The following SLC25A26 variants were observed in gnomAD, a reference collection of about 807,000 sequenced individuals.
SLC25A26 encodes mitochondrial S-adenosylmethionine carrier protein.
SLC25A26 carries 36 observed loss-of-function variants against 37.8 expected under a neutral mutation model. The observed-to-expected ratio is 0.95, with a 90% CI of 0.73 to 1.26. The LOEUF (loss-of-function observed/expected upper bound fraction) is 1.26. SLC25A26 is among the 50% of genes most tolerant of loss of function. The pLI, the probability that SLC25A26 is intolerant of heterozygous loss-of-function variation, is 0.00. For missense variants in SLC25A26, 390 were observed against 331.1 expected (o/e 1.18, Z -1.38); for synonymous variants, 129 against 122.5 (o/e 1.05, Z -0.35).
chr3:66,239,868 TC>T (rs2072488908), intron 2 of SLC25A26, among the ~76,000 whole-genome samples: 1 of 146,820 alleles, frequency 6.8e-6, no homozygotes, highest in Admixed American at 6.9e-5. Context: ...GATTCATTCA[TC>T]TTGAAATGGC....
At chr3:66,213,394 T>TAA (rs1576642741) in intron 1 of SLC25A26, among the ~76,000 whole-genome samples, 3 of 93,114 alleles carry the variant, frequency 3.2e-5, no homozygotes, top group African/African-American at 5.0e-5. Flanking sequence ...AGCAAGACTC[T>TAA]GTCTCAAAAA....
chr3:66,147,100 TCCCC>T (rs2070128591), intron 1 of SLC25A26, among the ~76,000 whole-genome samples: 2 of 19,192 alleles, frequency 1.0e-4, no homozygotes, highest in African/African-American at 4.3e-4. Flanking sequence ...TCCCCTCCCC[TCCCC>T]TCCCCTCCCC....
intron 5 of SLC25A26, among the ~76,000 whole-genome samples, chr3:66,335,507 A>T (rs968777347): frequency 3.0e-4 from 45 of 152,336 alleles, no homozygotes; most frequent in African/African-American, 9.9e-4. Flanking sequence ...GTAAATCAGC[A>T]GTAGATGAGT....
intron 1 of SLC25A26, among the ~76,000 whole-genome samples, chr3:66,234,694 G>A (rs150157891): frequency 0.13 from 19,316 of 152,086 alleles, 1,427 homozygotes; most frequent in East Asian, 0.29. Context: ...TATGGTGAGC[G>A]GTAAGTAAAG....
chr3:66,188,274 A>G (rs2070869154), intron 1 of SLC25A26, among the ~76,000 whole-genome samples: 1 of 152,068 alleles, frequency 6.6e-6, no homozygotes, highest in Non-Finnish European at 1.5e-5. Context: ...AGACCCTTAT[A>G]TTTATCAAGT....
At chr3:66,257,179 A>G (rs1033270134) in intron 3 of SLC25A26, among the ~76,000 whole-genome samples, 3 of 152,146 alleles carry the variant, frequency 2.0e-5, no homozygotes, top group African/African-American at 7.2e-5. Flanking sequence ...GAGGGAGGGA[A>G]TCTTTTGAGG....
At chr3:66,266,478 A>G (rs1416883706) in intron 5 of SLC25A26, among the ~76,000 whole-genome samples, 2 of 151,698 alleles carry the variant, frequency 1.3e-5, no homozygotes, top group East Asian at 1.9e-4. Context: ...AACTGGTTTT[A>G]TCTCCCTAGC....
Position 66,236,636 on chromosome 3 carries a change from G to T in SLC25A26, c.126G>T (p.Lys42Asn), listed in dbSNP as rs1206103555. The part of the protein sequence containing the change: ...TRLQSPQGFS[K>N]AGGFHGIYAG... ...TGCAGAGTCCCCAAGGATTTAGTAA[G>T]GCTGGTGGTTTTCATGGAATATATG... The change falls in exon 2 of 10, where the codon AAG (lysine) becomes AAT (asparagine). Residue 42 changes from lysine to asparagine, a missense_variant. By Grantham distance (94) the Lys-to-Asn change is moderately conservative (BLOSUM62 0). Transcript: ENST00000354883. 6.5e-7 allele frequency: 1 copy of T among 1,529,140 alleles called. No homozygotes were observed. The highest frequency in any genetic ancestry group is 8.8e-7 in the Non-Finnish European group (1 of 1,141,664). The allele number at this position is 1,529,140 out of a possible 1,614,324, so 94.7% of individuals were successfully genotyped here. A position where few individuals can be genotyped will look rare whatever the true frequency, so the allele number is the denominator to read the frequency against.
chr3:66,280,005 A>G (rs568345289), intron 5 of SLC25A26, among the ~76,000 whole-genome samples: 2 of 152,324 alleles, frequency 1.3e-5, no homozygotes, highest in South Asian at 2.1e-4. Context: ...CAGCTATGCT[A>G]TGTTTCATGT....
intron 6 of SLC25A26, among the ~76,000 whole-genome samples, chr3:66,357,522 A>G (rs923706013): frequency 6.6e-6 from 1 of 152,104 alleles, no homozygotes; most frequent in Non-Finnish European, 1.5e-5. Flanking sequence ...CCTTATTGTT[A>G]TTTTGGTATA....
chr3:66,365,327 C>T (rs2076801327), intron 7 of SLC25A26, among the ~76,000 whole-genome samples: 1 of 152,178 alleles, frequency 6.6e-6, no homozygotes, highest in Admixed American at 6.5e-5. Flanking sequence ...CTTGTTCATG[C>T]TTGTTTTGTA....
At chr3:66,293,955 C>T (rs947144691) in intron 5 of SLC25A26, among the ~76,000 whole-genome samples, 1 of 152,094 alleles carries the variant, frequency 6.6e-6, no homozygotes, top group South Asian at 2.1e-4. Context: ...TAGTGTGAGG[C>T]CTTTAAGTTT....
At chr3:66,359,463 A>G (rs905380246) in intron 6 of SLC25A26, among the ~76,000 whole-genome samples, 11 of 152,250 alleles carry the variant, frequency 7.2e-5, no homozygotes, top group African/African-American at 2.4e-4. Context: ...TAAACTCAGC[A>G]TTATTACCAG....
chr3:66,276,601 C>G (rs1241711155), intron 5 of SLC25A26, among the ~76,000 whole-genome samples: 2 of 147,776 alleles, frequency 1.4e-5, no homozygotes, highest in East Asian at 3.9e-4. Context: ...GTGAGGGGTG[C>G]TTAAAAATGT....
chr3:66,327,442 C>T (rs9870346), intron 5 of SLC25A26, among the ~76,000 whole-genome samples: 46,719 of 151,974 alleles, frequency 0.31, 10,742 homozygotes, highest in East Asian at 0.7. Flanking sequence ...TGTTTAAGAT[C>T]GCTTCCCACT....
intron 1 of SLC25A26, among the ~76,000 whole-genome samples, chr3:66,167,453 T>G (rs1394108484): frequency 6.6e-6 from 1 of 152,228 alleles, no homozygotes; most frequent in Admixed American, 6.5e-5. Context: ...GGCTTCTGGA[T>G]CTAGCCAGAC....
chr3:66,223,025 A>G (rs904607643), intron 1 of SLC25A26, among the ~76,000 whole-genome samples: 7 of 152,230 alleles, frequency 4.6e-5, no homozygotes, highest in African/African-American at 9.6e-5. Context: ...TTTTTCTTCC[A>G]TCTATTCTGC....
At chr3:66,163,042 C>T (rs566009035) in intron 1 of SLC25A26, among the ~76,000 whole-genome samples, 1 of 152,300 alleles carries the variant, frequency 6.6e-6, no homozygotes, top group African/African-American at 2.4e-5. Context: ...GAGTGAACCG[C>T]ATCTCTAGCT....
chr3:66,177,545 A>G (rs1025563674), intron 1 of SLC25A26, among the ~76,000 whole-genome samples: 6 of 152,160 alleles, frequency 3.9e-5, no homozygotes, highest in Non-Finnish European at 8.8e-5. Context: ...ACCTCACATT[A>G]AATCCCCACT....
Sources: gnomAD v4.1 joint callset for allele counts (sites outside exome capture counted in the v4.1 genomes callset) on GRCh38, gnomAD v4.1.1 for gene constraint, MANE v1.5 for transcripts, NCBI Gene and HGNC (gene_info 2026-07-23, HGNC 2026-07-21) for gene names.